The following DOCK7 variants were observed in gnomAD, a reference collection of about 807,000 sequenced individuals.
DOCK7 encodes the protein dedicator of cytokinesis protein 7.
Under a neutral mutation model 271.0 loss-of-function variants are expected in DOCK7, and 138 were observed. That is an observed-to-expected ratio of 0.51 (90% CI 0.44 to 0.59). The LOEUF (loss-of-function observed/expected upper bound fraction) is 0.59. Among genes scored for constraint, DOCK7 ranks in the 20% least tolerant of loss-of-function variants. The pLI is 0.00. For missense variants in DOCK7, 2,066 were observed against 2,592.4 expected (o/e 0.80, Z 4.41); for synonymous variants, 823 against 876.1 (o/e 0.94, Z 1.07).
intron 14 of DOCK7, among the ~76,000 whole-genome samples, chr1:62,611,144 A>C (rs937879641): frequency 6.6e-6 from 1 of 152,204 alleles, no homozygotes; most frequent in Non-Finnish European, 1.5e-5. Flanking sequence ...TAGAAAATAC[A>C]ATAGTTTTTT....
chr1:62,476,266 AATCAT>A (rs1440632170), intron 44 of DOCK7, 110 bp from the exon 45 acceptor site: 1 of 647,196 alleles, frequency 1.5e-6, no homozygotes, highest in East Asian at 2.7e-5. Context: ...AGTTCTGTAC[AATCAT>A]ATCAATAATT....
intron 22 of DOCK7, among the ~76,000 whole-genome samples, chr1:62,546,352 C>T (rs1395441823): frequency 2.0e-5 from 3 of 152,088 alleles, no homozygotes; most frequent in African/African-American, 7.2e-5. Context: ...ATTTCCTCCA[C>T]CTTTTTTCAT....
intron 24 of DOCK7, among the ~76,000 whole-genome samples, chr1:62,543,089 AAATAC>A (rs1292683443): frequency 1.3e-5 from 2 of 152,180 alleles, no homozygotes; most frequent in Non-Finnish European, 1.5e-5. Flanking sequence ...ACAATTTAGG[AAATAC>A]ATTTTAAAAT....
At position 62,522,119 on chromosome 1, in the gene DOCK7, C is replaced by G. The variant is rs926049628; in HGVS notation, c.3936+6032G>C. ...AAAACACTTCAAGCACAGATGGTTT[C>G]ATAAGTTCTCCAAATATTCCAGGAA... On this transcript the variant is annotated intron_variant, in intron 31 of 49. Coordinates refer to ENST00000635253, the MANE Select transcript of DOCK7 (RefSeq NM_001367561.1). Among the ~76,000 whole-genome samples, 3 of 152,080 alleles carry G rather than the reference C, an allele frequency of 2.0e-5. No individual in the cohort carries two copies. In the South Asian group the frequency reaches 6.2e-4, roughly 31 times the overall value.
At chr1:62,621,660 A>G (rs546233379) in intron 12 of DOCK7, among the ~76,000 whole-genome samples, 1 of 152,310 alleles carries the variant, frequency 6.6e-6, no homozygotes, top group East Asian at 1.9e-4. Context: ...TTTTTTATTA[A>G]TAACTTAAAA....
At chr1:62,506,767 G>A (rs1646949416) in intron 35 of DOCK7, among the ~76,000 whole-genome samples, 1 of 150,624 alleles carries the variant, frequency 6.6e-6, no homozygotes, top group South Asian at 2.1e-4. Flanking sequence ...AACCAACGTG[G>A]AGAAACCCTG....
At position 62,539,670 on chromosome 1, in the gene DOCK7, A is replaced by G; in HGVS notation, c.3187-12T>C. The G allele has an allele frequency of 6.2e-7, 1 of 1,610,864 alleles. No homozygotes were observed. Among genetic ancestry groups the G allele is most frequent in the Non-Finnish European group, 8.5e-7 (1 of 1,179,116 alleles). On this transcript the variant is annotated splice_polypyrimidine_tract_variant and intron_variant, in intron 26 of 49. Transcript: ENST00000635253. ...ACCATTTCTGTGTCCTGTGAAACAG[A>G]ATATAAAACAAAAACAAATTAAAGT... is the stretch of plus-strand genomic sequence containing the variant.
chr1:62,568,778 C>G (rs1242165587), intron 18 of DOCK7, among the ~76,000 whole-genome samples: 1 of 150,518 alleles, frequency 6.6e-6, no homozygotes, highest in Non-Finnish European at 1.5e-5. Context: ...ACAAAAAACC[C>G]TTCAAAAAAT....
chr1:62,482,124 TAAC>T (rs985440561), intron 43 of DOCK7: 7 of 152,176 alleles, frequency 4.6e-5, no homozygotes, highest in Admixed American at 1.3e-4. Flanking sequence ...ACAACAAAAA[TAAC>T]AACTTTCAAC....
At chr1:62,612,078 C>T (rs1421819761) in intron 14 of DOCK7, among the ~76,000 whole-genome samples, 1 of 151,956 alleles carries the variant, frequency 6.6e-6, no homozygotes, top group African/African-American at 2.4e-5. Flanking sequence ...ATTGCTTGAA[C>T]CCGGGAGGCA....
intron 2 of DOCK7, among the ~76,000 whole-genome samples, chr1:62,660,981 C>T (rs1344966427): frequency 6.6e-6 from 1 of 151,852 alleles, no homozygotes; most frequent in Admixed American, 6.6e-5. Flanking sequence ...CGCATGTAGT[C>T]CCAACTACTC....
At chr1:62,618,975 T>C in intron 13 of DOCK7, 107 bp from the exon 14 acceptor site, 2 of 1,017,258 alleles carry the variant, frequency 2.0e-6, no homozygotes, top group Non-Finnish European at 2.9e-6. Context: ...CTGGGAAGAA[T>C]ATTACAGAAA....
chr1:62,493,934 G>A (rs1410729624), intron 40 of DOCK7, among the ~76,000 whole-genome samples: 1 of 152,156 alleles, frequency 6.6e-6, no homozygotes, highest in Non-Finnish European at 1.5e-5. Flanking sequence ...GCTATGTGAA[G>A]TAAAAGCCAA....
intron 1 of DOCK7, among the ~76,000 whole-genome samples, chr1:62,684,060 T>C (rs1190827508): frequency 6.6e-6 from 1 of 152,006 alleles, no homozygotes; most frequent in Non-Finnish European, 1.5e-5. Context: ...GCCAACATGG[T>C]GAAATCCCGT....
At chr1:62,481,766 TTA>T (rs762476736) in intron 43 of DOCK7, 1 of 152,238 alleles carries the variant, frequency 6.6e-6, no homozygotes, top group Non-Finnish European at 1.5e-5. Flanking sequence ...TTCAAACCTC[TTA>T]TGACAAATAT....
intron 2 of DOCK7, among the ~76,000 whole-genome samples, chr1:62,655,100 G>A (rs958050334): frequency 3.3e-5 from 5 of 152,096 alleles, no homozygotes; most frequent in African/African-American, 4.8e-5. Context: ...GTAGCCATAC[G>A]AAAGGAATAC....
intron 31 of DOCK7, among the ~76,000 whole-genome samples, chr1:62,523,971 T>C (rs1644926311): frequency 6.6e-6 from 1 of 151,454 alleles, no homozygotes; most frequent in African/African-American, 2.4e-5. Context: ...GAAGAAATAT[T>C]TGAACCACTT....
At chr1:62,594,385 T>G (rs1007014365) in intron 14 of DOCK7, among the ~76,000 whole-genome samples, 1 of 152,084 alleles carries the variant, frequency 6.6e-6, no homozygotes, top group Non-Finnish European at 1.5e-5. Context: ...TACAGATATT[T>G]ATACCAAGAG....
chr1:62,590,304 CTT>C (rs1648246073), intron 14 of DOCK7, among the ~76,000 whole-genome samples: 1 of 152,076 alleles, frequency 6.6e-6, no homozygotes, highest in Non-Finnish European at 1.5e-5. Flanking sequence ...TTTTGGAAGT[CTT>C]TTAAAATAAG....
Sources: allele counts gnomAD v4.1 joint callset (sites outside exome capture counted in the v4.1 genomes callset), GRCh38; gene constraint gnomAD v4.1.1; transcripts MANE v1.5; gene names NCBI Gene and HGNC (gene_info 2026-07-23, HGNC 2026-07-21).